CHD5: variants seen among roughly 807,000 people sequenced by gnomAD.
CHD5 encodes ATP-dependent chromatin remodeler CHD5.
Under a neutral mutation model 230.3 loss-of-function variants are expected in CHD5, and 69 were observed. The observed-to-expected ratio is 0.30, with a 90% CI of 0.25 to 0.37. The LOEUF (loss-of-function observed/expected upper bound fraction) is 0.37. Among genes scored for constraint, CHD5 ranks in the 10% least tolerant of loss-of-function variants. The pLI is 1.00. For synonymous variants in CHD5, 1,064 were observed against 1,065.9 expected, an observed-to-expected ratio of 1.00 and a Z score of 0.03; for missense variants, 1,827 against 2,622.8, an observed-to-expected ratio of 0.70 and a Z score of 6.63.
Position 6,136,719 on chromosome 1 carries a change from G to T in CHD5, c.2574+9C>A. Reference sequence around the variant, plus strand: ...GAAGCTCTGGGGTCTGGCGGCCAGCGCCACCTACCTTGGACTGGTTGTTCT... The same window carrying T: ...GAAGCTCTGGGGTCTGGCGGCCAGCTCCACCTACCTTGGACTGGTTGTTCT... On this transcript the variant is annotated intron_variant, in intron 16 of 41. Coordinates refer to ENST00000262450, the MANE Select transcript of CHD5 (RefSeq NM_015557.3). The T allele has an allele frequency of 6.2e-7, 1 of 1,610,400 alleles. No homozygotes were observed. Among genetic ancestry groups the T allele is most frequent in the Non-Finnish European group, 8.5e-7 (1 of 1,177,360 alleles).
chr1:6,158,771 G>A (rs1038450133), intron 3 of CHD5, among the ~76,000 whole-genome samples: 1 of 152,120 alleles, frequency 6.6e-6, no homozygotes, highest in African/African-American at 2.4e-5. Flanking sequence ...ACTTTGGGAG[G>A]CCGAGGCGGG....
At position 6,149,709 on chromosome 1, in the gene CHD5, A is replaced by AATGGATGG. The variant is rs4068875; in HGVS notation, c.995-305_995-298dup. On this transcript the variant is annotated intron_variant, in intron 7 of 41. Transcript: ENST00000262450. ...GGATGGATAGATGAATGGATGGACA[A>AATGGATGG]ATGGATGGATGGATGGATGATGAAT... 1.1e-3 allele frequency among the ~76,000 whole-genome samples: 165 copies of AATGGATGG among 150,780 alleles called. 1 individual carries two copies. Among genetic ancestry groups the AATGGATGG allele is most frequent in the East Asian group, 2.8e-3 (14 of 4,958 alleles).
intron 25 of CHD5, 54 bp downstream of exon 25, chr1:6,127,991 CG>C (rs1666589753): frequency 8.4e-7 from 1 of 1,186,334 alleles, no homozygotes; most frequent in South Asian, 1.5e-5. Context: ...CAGTGGGGGG[CG>C]GGGCTGCGGA....
At chr1:6,151,263 G>A in intron 6 of CHD5, 108 bp from the exon 7 acceptor site, 1 of 1,291,042 alleles carries the variant, frequency 7.7e-7, no homozygotes, top group South Asian at 1.8e-5. Context: ...TGGAGACACA[G>A]TGCTCTCTGT....
At chr1:6,168,408 C>A in intron 1 of CHD5, 131 bp from the exon 2 acceptor site, 2 of 1,074,482 alleles carry the variant, frequency 1.9e-6, no homozygotes, top group Non-Finnish European at 2.6e-6. Flanking sequence ...CTGCCCTGCC[C>A]TCCCCAAACC....
At position 6,128,490 on chromosome 1, in the gene CHD5, G is replaced by A. The variant is rs767909158; in HGVS notation, c.3730+9C>T. The A allele has an allele frequency of 6.2e-7, 1 of 1,603,082 alleles. No individual in the cohort carries two copies. Among genetic ancestry groups the A allele is most frequent in the East Asian group, 2.2e-5 (1 of 44,804 alleles). ...GGAGGAGCTGAGGCTGGGCTGGGTT[G>A]GCCCCTACCTGGCGGGGTGCTACCG... On this transcript the variant is annotated intron_variant, in intron 24 of 41. Coordinates refer to ENST00000262450, the MANE Select transcript of CHD5 (RefSeq NM_015557.3). This position sits in a 1 kb window ranked among gnomAD's most constrained non-coding sequence, Gnocchi z 7.8.
Position 6,106,501 on chromosome 1 carries a change from G to T in CHD5, c.5751C>A (p.Phe1917Leu). Residue 1917 changes from phenylalanine to leucine, a missense_variant, in exon 40 of 42, where the codon TTC (phenylalanine) becomes TTA (leucine). Phe to Leu is a conservative substitution (Grantham distance 22, BLOSUM62 0). Around this residue, in one of 14 missense-constraint regions of CHD5, gnomAD observed 208 missense variants for 302.0 expected, o/e 0.69. Coordinates refer to ENST00000262450, the MANE Select transcript of CHD5 (RefSeq NM_015557.3). ...TGTTGCTGTACATCTGGGAGGAGCC[G>T]AAAGCGCCCTGGAGGCAAGGACTCA... ...AGDPTIQQGA[F>L]GSSQMYSNNF... The T allele has an allele frequency of 6.4e-7, 1 of 1,552,260 alleles. No individual in the cohort carries two copies. Among genetic ancestry groups the T allele is most frequent in the Non-Finnish European group, 8.7e-7 (1 of 1,147,958 alleles).
At chr1:6,153,477 C>G (rs1299528891) in intron 5 of CHD5, among the ~76,000 whole-genome samples, 2 of 152,218 alleles carry the variant, frequency 1.3e-5, no homozygotes, top group African/African-American at 4.8e-5. Context: ...ACCCCAGAAA[C>G]TAAAGCTCCT....
At chr1:6,123,730 G>A (rs1043425980) in intron 31 of CHD5, among the ~76,000 whole-genome samples, 2 of 152,010 alleles carry the variant, frequency 1.3e-5, no homozygotes, top group African/African-American at 4.8e-5. Flanking sequence ...CGCCCAGCCA[G>A]TTTTTTAAAA....
At chr1:6,135,168 C>A in intron 18 of CHD5, 62 bp downstream of exon 18, 1 of 1,599,078 alleles carries the variant, frequency 6.3e-7, no homozygotes, top group Non-Finnish European at 8.6e-7. Context: ...GGAATCGACC[C>A]AGGAGACCAG....
chr1:6,154,694 C>A lies in CHD5; in HGVS notation c.711G>T (p.Val237=). ...CCTTGGTCTTGGCCTTGCGGATAGG[C>A]ACAGGCTGGGGCACCTGCGGGGGGC... ...AVSPPQVPQP[V]PIRKAKTKEG... The change falls in exon 5 of 42, where the codon GTG becomes GTT. Residue 237 remains valine (V), a synonymous_variant. Transcript: ENST00000262450. This position sits in a 1 kb window ranked among gnomAD's most constrained non-coding sequence, Gnocchi z 7.0. The A allele has an allele frequency of 6.3e-7, 1 of 1,595,832 alleles. No homozygotes were observed. The highest frequency in any genetic ancestry group is 1.9e-4 in the Middle Eastern group (1 of 5,384).
At chr1:6,168,373 G>A in intron 1 of CHD5, 96 bp from the exon 2 acceptor site, 1 of 1,435,596 alleles carries the variant, frequency 7.0e-7, no homozygotes, top group Non-Finnish European at 9.3e-7. Context: ...GGGACCCCCA[G>A]ACACCCAACT....
chr1:6,102,895 G>C lies in CHD5; in HGVS notation c.*2579C>G, dbSNP rs903320316. The C allele has an allele frequency of 6.6e-6, 1 of 152,436 alleles. No homozygotes were observed. The allele number at this position is 152,436 out of a possible 1,614,324, so 9.4% of individuals were successfully genotyped here. A position where few individuals can be genotyped will look rare whatever the true frequency, so the allele number is the denominator to read the frequency against. On this transcript the variant is annotated 3_prime_UTR_variant, in exon 42 of 42. Transcript: ENST00000262450. Reference sequence around the variant, plus strand: ...TCCACCCCGAGTCACCTGAGCCCATGGGGCAATGCCTTCCAAGACCTTGGC... The same window carrying C: ...TCCACCCCGAGTCACCTGAGCCCATCGGGCAATGCCTTCCAAGACCTTGGC...
chr1:6,171,921 C>T lies in CHD5; in HGVS notation c.80-3644G>A, dbSNP rs570131374. Among the ~76,000 whole-genome samples, 11 of 152,374 alleles carry T rather than the reference C, an allele frequency of 7.2e-5. No homozygotes were observed. In the South Asian group the frequency reaches 2.3e-3, roughly 32 times the overall value. Reference sequence around the variant, plus strand: ...GTGCCCTCATGCACCAGCCCTAACCCTCCAGGGCCTGAGGCTCCACGGATC... The same window carrying T: ...GTGCCCTCATGCACCAGCCCTAACCTTCCAGGGCCTGAGGCTCCACGGATC... On this transcript the variant is annotated intron_variant, in intron 1 of 41. Transcript: ENST00000262450.
chr1:6,175,525 ATGGTGGATGGGC>A (rs1667411964), intron 1 of CHD5, among the ~76,000 whole-genome samples: 1 of 147,136 alleles, frequency 6.8e-6, no homozygotes, highest in Non-Finnish European at 1.5e-5. Flanking sequence ...AGATGGATGG[ATGGTGGATGGGC>A]AGATGGATGG....
rs935144496 is a variant in CHD5, at chr1:6,129,131, C to G, written c.3388-62G>C. On this transcript the variant is annotated intron_variant, in intron 22 of 41. Coordinates refer to ENST00000262450, the MANE Select transcript of CHD5 (RefSeq NM_015557.3). This position sits in a 1 kb window ranked among gnomAD's most constrained non-coding sequence, Gnocchi z 6.8. ...CAGGGCTCCAGGCAATGGAGGAGAT[C>G]ACACCCATGAGCTCAAGAGCATGGA... 1 of 1,159,260 alleles carries G rather than the reference C, an allele frequency of 8.6e-7. No individual in the cohort carries two copies. The highest frequency in any genetic ancestry group is 1.5e-5 in the African/African-American group (1 of 66,592). The allele number at this position is 1,159,260 out of a possible 1,614,324, so 71.8% of individuals were successfully genotyped here.
At chr1:6,158,912 C>A (rs921991482) in intron 3 of CHD5, among the ~76,000 whole-genome samples, 7 of 140,670 alleles carry the variant, frequency 5.0e-5, no homozygotes, top group Non-Finnish European at 9.0e-5. Context: ...GAGGCTGAGG[C>A]AGGAGAATGG....
intron 1 of CHD5, among the ~76,000 whole-genome samples, chr1:6,174,666 CGGTG>C (rs1361846538): frequency 4.3e-5 from 5 of 117,364 alleles, no homozygotes; most frequent in African/African-American, 1.7e-4. Context: ...GATGGATAGA[CGGTG>C]GGTGGAAGGA....
chr1:6,169,167 G>A (rs1186682170), intron 1 of CHD5, among the ~76,000 whole-genome samples: 2 of 152,204 alleles, frequency 1.3e-5, no homozygotes, highest in African/African-American at 2.4e-5. Context: ...CCTTAATGGA[G>A]AATCCAAGAC....
Sources: gnomAD v4.1 joint callset for allele counts (sites outside exome capture counted in the v4.1 genomes callset) on GRCh38, gnomAD v4.1.1 for gene constraint, gnomAD v4.1.1 regional missense constraint, Gnocchi (gnomAD v3.1) non-coding constraint, MANE v1.5 for transcripts, NCBI Gene and HGNC (gene_info 2026-07-23, HGNC 2026-07-21) for gene names.